PRIM1: variants seen among roughly 807,000 people sequenced by gnomAD.
PRIM1 encodes DNA primase small subunit.
Under a neutral mutation model 60.2 loss-of-function variants are expected in PRIM1, and 38 were observed. The ratio of observed to expected loss-of-function variants is 0.63; its 90% CI spans 0.49 to 0.83. PRIM1 has a LOEUF of 0.83. Ranked by LOEUF, PRIM1 falls within the 40% of genes least tolerant of loss-of-function variation. The probability of loss-of-function intolerance (pLI) is 0.00; values close to 1 mark genes in which losing one functional copy is unlikely to be tolerated. For missense variants in PRIM1, 388 were observed against 506.2 expected (o/e 0.77, Z 2.24); for synonymous variants, 158 against 160.2 (o/e 0.99, Z 0.10).
intron 12 of PRIM1, among the ~76,000 whole-genome samples, chr12:56,732,454 G>A (rs1953791138): frequency 6.6e-6 from 1 of 152,130 alleles, no homozygotes; most frequent in Non-Finnish European, 1.5e-5. Flanking sequence ...CAATAGCGCA[G>A]TTGGCCTCTT....
chr12:56,734,126 G>A (rs1178270566), intron 12 of PRIM1, 21 bp downstream of exon 12: 1 of 1,501,632 alleles, frequency 6.7e-7, no homozygotes, highest in African/African-American at 1.4e-5. Context: ...CTAGATAGAA[G>A]GGAAAGGCAT....
At chr12:56,734,778 T>TTATATA (rs34889392) in intron 11 of PRIM1, among the ~76,000 whole-genome samples, 5 of 140,292 alleles carry the variant, frequency 3.6e-5, no homozygotes, top group South Asian at 2.2e-4. Flanking sequence ...TCTTTTATAT[T>TTATATA]TATATATATA....
At position 56,746,827 on chromosome 12, in the gene PRIM1, C is replaced by G; in HGVS notation, c.396G>C (p.Trp132Cys). The change falls in exon 4 of 13, where the codon TGG (tryptophan) becomes TGC (cysteine). Residue 132 changes from tryptophan to cysteine, a missense_variant. Trp to Cys is a radical substitution (Grantham distance 215). This residue lies in a region of PRIM1 where 156 missense variants were observed against 175.8 expected (regional missense o/e 0.89). Coordinates refer to ENST00000338193, the MANE Select transcript of PRIM1 (RefSeq NM_000946.3). ...CSSADICPKC[W>C]TLMTMAIRII... ...TGCGTATGGCCATTGTCATGAGGGTCCAGCACTTAGGACATATGTCTGCAG... is the reference window on the plus strand; with the variant it reads ...TGCGTATGGCCATTGTCATGAGGGTGCAGCACTTAGGACATATGTCTGCAG... 1 of 1,613,952 alleles carries G rather than the reference C, an allele frequency of 6.2e-7. No individual in the cohort carries two copies.
chr12:56,747,162 T>G (rs1349738436), intron 2 of PRIM1, 130 bp from the exon 3 acceptor site: 1 of 674,956 alleles, frequency 1.5e-6, no homozygotes, highest in Non-Finnish European at 2.5e-6. Context: ...TTTATGACAG[T>G]GAAAGTTCAT....
chr12:56,734,875 G>A (rs1339020924), intron 11 of PRIM1, among the ~76,000 whole-genome samples: 4 of 145,416 alleles, frequency 2.8e-5, no homozygotes, highest in Admixed American at 7.0e-5. Flanking sequence ...GCAATGGTGC[G>A]ATCTCGGCTT....
chr12:56,749,771 A>T (rs1158683247), intron 2 of PRIM1, among the ~76,000 whole-genome samples: 1 of 152,220 alleles, frequency 6.6e-6, no homozygotes, highest in Non-Finnish European at 1.5e-5. Flanking sequence ...TGATACAAGT[A>T]ACAAGTTATA....
At chr12:56,746,649 C>G (rs1953909396) in intron 4 of PRIM1, 132 bp downstream of exon 4, 1 of 705,708 alleles carries the variant, frequency 1.4e-6, no homozygotes. Context: ...CACACACACA[C>G]ACACACACAC....
intron 10 of PRIM1, among the ~76,000 whole-genome samples, 198 bp downstream of exon 10, chr12:56,739,096 C>A (rs1052941433): frequency 3.9e-5 from 6 of 152,168 alleles, no homozygotes; most frequent in African/African-American, 1.2e-4. Flanking sequence ...ACCTTAAAAT[C>A]TTTTTCTTAC....
Position 56,743,049 on chromosome 12 carries a change from A to G in PRIM1, c.686T>C (p.Val229Ala). 6.5e-7 allele frequency: 1 copy of G among 1,537,158 alleles called. No homozygotes were observed. The highest frequency in any genetic ancestry group is 8.7e-7 in the Non-Finnish European group (1 of 1,144,844). The change falls in exon 7 of 13, where the codon GTT becomes GCT. Residue 229 changes from valine to alanine, a missense_variant. Coordinates refer to ENST00000338193, the MANE Select transcript of PRIM1 (RefSeq NM_000946.3). ...TTTATTTTCGAGAATATCTTGATTA[A>G]CCAAGGCATATTCTTCAAAGTATTT... Reference protein sequence around the residue: ...IKKYFEEYALVNQDILENKES... With the variant: ...IKKYFEEYALANQDILENKES...
In PRIM1 at chr12:56,746,633, C is replaced by G. The variant is rs1489033996; in HGVS notation, c.442+148G>C. 3 of 510,796 alleles carry G rather than the reference C, an allele frequency of 5.9e-6. No homozygotes were observed. In the South Asian group the frequency reaches 6.3e-5, roughly 11 times the overall value. 31.6% of individuals were successfully genotyped at this position (510,796 alleles called of 1,614,324 possible). A position where few individuals can be genotyped will look rare whatever the true frequency, so the allele number is the denominator to read the frequency against. On this transcript the variant is annotated intron_variant, in intron 4 of 12. Coordinates refer to ENST00000338193, the MANE Select transcript of PRIM1 (RefSeq NM_000946.3). ...CTGACAGAGTGAGACTCGTCACACA[C>G]ACACACACACACACACACACACACA...
intron 4 of PRIM1, 149 bp downstream of exon 4, chr12:56,746,632 A>G: frequency 4.6e-6 from 2 of 431,544 alleles, no homozygotes; most frequent in South Asian, 4.8e-5. Context: ...CTCGTCACAC[A>G]CACACACACA....
chr12:56,743,781 TGTC>T (rs1256355736), intron 6 of PRIM1: 11 of 292,270 alleles, frequency 3.8e-5, no homozygotes, highest in Admixed American at 9.4e-5. Context: ...ACAACTAACT[TGTC>T]GTGTGATGCC....
At chr12:56,752,151 ACCT>A in intron 1 of PRIM1, 42 bp downstream of exon 1, 1 of 1,407,594 alleles carries the variant, frequency 7.1e-7, no homozygotes, top group African/African-American at 1.4e-5. Flanking sequence ...CCCGCCTCCA[ACCT>A]CCTCACACTC....
At chr12:56,746,664 AC>A in intron 4 of PRIM1, 116 bp downstream of exon 4, 1 of 839,746 alleles carries the variant, frequency 1.2e-6, no homozygotes, top group Non-Finnish European at 1.9e-6. Flanking sequence ...ACACACACAC[AC>A]ACACACACAC....
intron 2 of PRIM1, 147 bp downstream of exon 2, chr12:56,750,891 A>G (rs529985956): frequency 2.0e-5 from 10 of 504,434 alleles, no homozygotes; most frequent in African/African-American, 2.0e-4. Flanking sequence ...AAAGAACAAA[A>G]AAGGATTAAT....
intron 7 of PRIM1, among the ~76,000 whole-genome samples, chr12:56,742,465 A>C (rs1169617585): frequency 3.9e-5 from 6 of 151,996 alleles, no homozygotes; most frequent in African/African-American, 1.4e-4. Context: ...GCTATTTGGG[A>C]GGCTGAGGCA....
At chr12:56,750,592 CT>C (rs758888858) in intron 2 of PRIM1, among the ~76,000 whole-genome samples, 351 of 143,214 alleles carry the variant, frequency 2.5e-3, no homozygotes, top group South Asian at 3.5e-3. Flanking sequence ...TTATTTCCCT[CT>C]TTTTTTTTTT....
intron 9 of PRIM1, among the ~76,000 whole-genome samples, chr12:56,739,667 G>T (rs1953857939): frequency 6.6e-6 from 1 of 152,112 alleles, no homozygotes; most frequent in Non-Finnish European, 1.5e-5. Flanking sequence ...CTCCCAAAGT[G>T]CTAGGATTAT....
At chr12:56,738,018 C>G (rs1953845754) in intron 11 of PRIM1, among the ~76,000 whole-genome samples, 1 of 152,220 alleles carries the variant, frequency 6.6e-6, no homozygotes, top group Non-Finnish European at 1.5e-5. Flanking sequence ...AGCCACTGCG[C>G]CCAGCCAGCT....
Sources: gnomAD v4.1 joint callset for allele counts (sites outside exome capture counted in the v4.1 genomes callset) on GRCh38, gnomAD v4.1.1 for gene constraint, gnomAD v4.1.1 regional missense constraint, MANE v1.5 for transcripts, NCBI Gene and HGNC (gene_info 2026-07-23, HGNC 2026-07-21) for gene names.